Variants in NLGN1 observed in about 807,000 individuals in gnomAD.
The protein encoded by NLGN1 is neuroligin-1.
In NLGN1, 12 loss-of-function variants were observed where a neutral mutation model predicts 65.5. The ratio of observed to expected loss-of-function variants is 0.18; its 90% confidence interval spans 0.12 to 0.30. The LOEUF is 0.30. Ranked by LOEUF, NLGN1 falls within the 10% of genes least tolerant of loss-of-function variation. NLGN1 has a pLI of 1.00. For synonymous variants in NLGN1, 350 were observed against 359.5 expected, an observed-to-expected ratio of 0.97 and a Z score of 0.30; for missense variants, 750 against 1,007.1, an observed-to-expected ratio of 0.74 and a Z score of 3.46.
intron 1 of NLGN1, among the ~76,000 whole-genome samples, chr3:173,402,876 G>C (rs886702468): frequency 6.6e-6 from 1 of 152,028 alleles, no homozygotes; most frequent in Non-Finnish European, 1.5e-5. Flanking sequence ...CATCATGGTC[G>C]GTCCCTTGAG....
At chr3:173,678,435 A>G (rs900492969) in intron 3 of NLGN1, among the ~76,000 whole-genome samples, 4 of 152,150 alleles carry the variant, frequency 2.6e-5, no homozygotes, top group African/African-American at 9.6e-5. Flanking sequence ...TTATAAAGCC[A>G]TAGGAAAACT....
chr3:174,056,550 TTC>T, intron 4 of NLGN1, among the ~76,000 whole-genome samples: 3 of 152,018 alleles, frequency 2.0e-5, no homozygotes, highest in African/African-American at 7.2e-5. Context: ...AGGTTTTACT[TTC>T]AGTGCAAACG....
chr3:173,514,251 A>G (rs1311083092), intron 2 of NLGN1, among the ~76,000 whole-genome samples: 2 of 152,166 alleles, frequency 1.3e-5, no homozygotes, highest in Admixed American at 1.3e-4. Flanking sequence ...TTGTTTCAAT[A>G]GTTTTTTAGG....
At chr3:173,592,499 C>A (rs1748696760) in intron 2 of NLGN1, among the ~76,000 whole-genome samples, 1 of 152,118 alleles carries the variant, frequency 6.6e-6, no homozygotes, top group Non-Finnish European at 1.5e-5. Flanking sequence ...GATATCTATG[C>A]ACACGCCTAC....
intron 2 of NLGN1, among the ~76,000 whole-genome samples, chr3:173,548,351 G>T (rs1740249117): frequency 6.6e-6 from 1 of 152,102 alleles, no homozygotes; most frequent in South Asian, 2.1e-4. Flanking sequence ...ATTCTGAAAT[G>T]CTTCCTATAG....
chr3:173,754,051 T>G (rs1371778963), intron 3 of NLGN1, among the ~76,000 whole-genome samples: 1 of 147,694 alleles, frequency 6.8e-6, no homozygotes, highest in African/African-American at 2.5e-5. Flanking sequence ...TTTTTTTTTG[T>G]TGTTGTTGTT....
chr3:173,590,574 A>T (rs1454968898), intron 2 of NLGN1, among the ~76,000 whole-genome samples: 1 of 152,160 alleles, frequency 6.6e-6, no homozygotes, highest in Non-Finnish European at 1.5e-5. Context: ...CCTGGTACAT[A>T]ACTGGAAATC....
At chr3:174,266,486 C>A (rs1748272753) in intron 4 of NLGN1, among the ~76,000 whole-genome samples, 1 of 152,090 alleles carries the variant, frequency 6.6e-6, no homozygotes, top group Non-Finnish European at 1.5e-5. Flanking sequence ...GATTCCATGT[C>A]TTTGCTATTG....
intron 3 of NLGN1, among the ~76,000 whole-genome samples, chr3:173,766,315 C>T (rs771677422): frequency 6.6e-6 from 1 of 152,138 alleles, no homozygotes; most frequent in Non-Finnish European, 1.5e-5. Flanking sequence ...TCTCGAACAC[C>T]TGGCCTCAAG....
At chr3:173,439,776 T>C (rs1471957132) in intron 2 of NLGN1, among the ~76,000 whole-genome samples, 1 of 152,150 alleles carries the variant, frequency 6.6e-6, no homozygotes, top group African/African-American at 2.4e-5. Flanking sequence ...TAATGGTTAT[T>C]TGAGCCTTCA....
intron 2 of NLGN1, among the ~76,000 whole-genome samples, chr3:173,573,968 C>G (rs548161843): frequency 3.5e-5 from 5 of 144,440 alleles, no homozygotes; most frequent in African/African-American, 1.3e-4. Context: ...GAAGCTGAGG[C>G]AGGAGAATGG....
intron 4 of NLGN1, among the ~76,000 whole-genome samples, chr3:173,894,367 A>G (rs1735957609): frequency 6.6e-6 from 1 of 152,158 alleles, no homozygotes; most frequent in South Asian, 2.1e-4. Context: ...CAGAGACTCA[A>G]GTTGATAGGA....
rs1369024130 is a variant in NLGN1, at chr3:173,487,646, G to T, written c.-321+52568G>T. Among the ~76,000 whole-genome samples the T allele has an allele frequency of 3.3e-5, 5 of 151,874 alleles. No individual in the cohort carries two copies. The South Asian group carries it at 1.0e-3, about 31-fold the overall frequency. On this transcript the variant is annotated intron_variant, in intron 2 of 6. Transcript: ENST00000457714. The stretch of plus-strand genomic sequence containing the variant: ...ATGTATTTTGCAACAATATTGTTAA[G>T]GAAATACAGGTGAAGTATTATTGTT...
At chr3:173,868,725 T>C (rs181592409) in intron 4 of NLGN1, among the ~76,000 whole-genome samples, 32 of 152,244 alleles carry the variant, frequency 2.1e-4, no homozygotes, top group Admixed American at 3.3e-4. Flanking sequence ...ATGTAGACTT[T>C]ACTGGGGCCC....
At chr3:173,633,029 G>A (rs141136328) in intron 3 of NLGN1, among the ~76,000 whole-genome samples, 22 of 152,000 alleles carry the variant, frequency 1.4e-4, no homozygotes, top group Admixed American at 5.9e-4. Flanking sequence ...AATGTTTGTT[G>A]TGTAAAAAAG....
chr3:173,436,978 T>G (rs11918931), intron 2 of NLGN1, among the ~76,000 whole-genome samples: 1 of 152,034 alleles, frequency 6.6e-6, no homozygotes, highest in Admixed American at 6.5e-5. Context: ...TCCTTTTTAT[T>G]TTTCTTCACC....
chr3:173,640,245 G>A (rs1423882872), intron 3 of NLGN1, among the ~76,000 whole-genome samples: 3 of 152,084 alleles, frequency 2.0e-5, no homozygotes, highest in African/African-American at 7.2e-5. Flanking sequence ...TCTGAAGCCT[G>A]TATTTTAATG....
At chr3:173,907,935 G>A (rs1738788435) in intron 4 of NLGN1, among the ~76,000 whole-genome samples, 1 of 152,218 alleles carries the variant, frequency 6.6e-6, no homozygotes, top group Non-Finnish European at 1.5e-5. Context: ...GGCCAGGCTG[G>A]TCTCGAACTC....
At chr3:173,537,518 G>A (rs1737653985) in intron 2 of NLGN1, among the ~76,000 whole-genome samples, 1 of 151,914 alleles carries the variant, frequency 6.6e-6, no homozygotes. Flanking sequence ...TTGTGTGTGT[G>A]TAAATATATT....
Sources: gnomAD v4.1 joint callset for allele counts (sites outside exome capture counted in the v4.1 genomes callset) on GRCh38, gnomAD v4.1.1 for gene constraint, MANE v1.5 for transcripts, NCBI Gene and HGNC (gene_info 2026-07-23, HGNC 2026-07-21) for gene names.